The following TNNI1 variants were observed in gnomAD, a reference collection of about 807,000 sequenced individuals.
TNNI1 encodes troponin I1, slow skeletal type, also known as troponin I, slow skeletal muscle.
Under a neutral mutation model 26.7 loss-of-function variants are expected in TNNI1, and 14 were observed. The observed-to-expected ratio is 0.52, with a 90% CI of 0.35 to 0.82. TNNI1 has a LOEUF of 0.82. Among genes scored for constraint, TNNI1 ranks in the 40% least tolerant of loss-of-function variants. The pLI is 0.01. For synonymous variants in TNNI1, 79 were observed against 98.2 expected, an observed-to-expected ratio of 0.80 and a Z score of 1.16; for missense variants, 164 against 257.0, an observed-to-expected ratio of 0.64 and a Z score of 2.47.
rs1253674038 is a variant in TNNI1, at chr1:201,406,033, G to C, written c.*3220C>G. The C allele has an allele frequency of 1.3e-5, 2 of 152,378 alleles. No individual in the cohort carries two copies. Among genetic ancestry groups the C allele is most frequent in the African/African-American group, 2.4e-5 (1 of 41,454 alleles). 9.4% of individuals were successfully genotyped at this position (152,378 alleles called of 1,614,324 possible). A position where few individuals can be genotyped will look rare whatever the true frequency, so the allele number is the denominator to read the frequency against. On this transcript the variant is annotated 3_prime_UTR_variant, in exon 9 of 9. Coordinates refer to ENST00000361379, the MANE Select transcript of TNNI1 (RefSeq NM_003281.4). ...CATCTCCTTTGAATGTTTCCCCTTT[G>C]GTGCGGGTGTGTGGGGACTCCCCAG...
intron 1 of TNNI1, among the ~76,000 whole-genome samples, chr1:201,419,123 TA>T (rs940065943): frequency 2.0e-5 from 3 of 151,700 alleles, no homozygotes; most frequent in Non-Finnish European, 2.9e-5. Context: ...ACCCCGAACT[TA>T]AAAAAAAGTC....
In TNNI1 at chr1:201,411,301, A is replaced by G. The variant is rs890627131; in HGVS notation, c.456+56T>C. ...CAGCCTGAGGCCATGTGAGGGGTTG[A>G]CAAGGGGAAAGCTGGTAGGGCAGAG... On this transcript the variant is annotated intron_variant, in intron 7 of 8. Coordinates refer to ENST00000361379, the MANE Select transcript of TNNI1 (RefSeq NM_003281.4). This position sits in a 1 kb window ranked among gnomAD's most constrained non-coding sequence, Gnocchi z 4.6. The G allele has an allele frequency of 1.5e-5, 24 of 1,596,944 alleles. No homozygotes were observed. In the South Asian group the frequency reaches 2.7e-4, roughly 18 times the overall value.
At chr1:201,416,703 G>A (rs1662746149) in intron 3 of TNNI1, among the ~76,000 whole-genome samples, 1 of 152,198 alleles carries the variant, frequency 6.6e-6, no homozygotes, top group African/African-American at 2.4e-5. Flanking sequence ...GGCAAGGGTG[G>A]AATAACCCAA....
intron 5 of TNNI1, among the ~76,000 whole-genome samples, chr1:201,414,098 T>C (rs1662689380): frequency 6.6e-6 from 1 of 152,248 alleles, no homozygotes; most frequent in Non-Finnish European, 1.5e-5. Context: ...TTGATATACT[T>C]CCTTCCAGTC....
intron 5 of TNNI1, among the ~76,000 whole-genome samples, chr1:201,413,820 A>AT (rs1171830941): frequency 6.6e-6 from 1 of 151,848 alleles, no homozygotes; most frequent in Non-Finnish European, 1.5e-5. Flanking sequence ...CTCCCATCTC[A>AT]TTTTTTTAAA....
At chr1:201,416,966 A>T (rs1033980364) in intron 3 of TNNI1, 150 bp downstream of exon 3, 2 of 892,800 alleles carry the variant, frequency 2.2e-6, no homozygotes, top group Non-Finnish European at 3.7e-6. Context: ...TCTCCTGGGA[A>T]TTTGTTCAGC....
intron 1 of TNNI1, among the ~76,000 whole-genome samples, chr1:201,419,435 G>T (rs776518337): frequency 6.6e-6 from 1 of 152,196 alleles, no homozygotes; most frequent in Non-Finnish European, 1.5e-5. Flanking sequence ...GTGTGCAGGG[G>T]CGCACAGGAG....
rs953872662 is a variant in TNNI1, at chr1:201,414,657, G to A, written c.58-8C>T. 8 of 1,611,618 alleles carry A rather than the reference G, an allele frequency of 5.0e-6. No homozygotes were observed. The highest frequency in any genetic ancestry group is 6.8e-6 in the Non-Finnish European group (8 of 1,178,850). On this transcript the variant is annotated splice_region_variant and splice_polypyrimidine_tract_variant and intron_variant, in intron 4 of 8. Coordinates refer to ENST00000361379, the MANE Select transcript of TNNI1 (RefSeq NM_003281.4). ...CTTGGCCAGCATCAGGCTCTGGACA[G>A]GACACACCTGCTGAGCTGGGGGCCT...
In TNNI1 at chr1:201,413,176, A is replaced by T. The variant is rs1662668171; in HGVS notation, c.190-55T>A. The T allele has an allele frequency of 1.9e-6, 3 of 1,596,610 alleles. No homozygotes were observed. The African/African-American group carries it at 4.0e-5, about 21-fold the overall frequency. On this transcript the variant is annotated intron_variant, in intron 5 of 8. Coordinates refer to ENST00000361379, the MANE Select transcript of TNNI1 (RefSeq NM_003281.4). ...TGAAGAAGAGGGGAACAGAGACATC[A>T]GTTTCCAGCCCTTGACCCTCTCCCC...
At chr1:201,415,905 G>A (rs1314890677) in intron 3 of TNNI1, among the ~76,000 whole-genome samples, 1 of 152,138 alleles carries the variant, frequency 6.6e-6, no homozygotes, top group Non-Finnish European at 1.5e-5. Context: ...CCTCAGGGTT[G>A]GCAAAGGTGA....
chr1:201,415,003 C>T (rs1005479679), intron 4 of TNNI1, among the ~76,000 whole-genome samples: 5 of 152,244 alleles, frequency 3.3e-5, no homozygotes, highest in African/African-American at 7.2e-5. Context: ...GGACCACAGG[C>T]GGATGCCAGA....
At chr1:201,410,302 A>G (rs377432352) in intron 8 of TNNI1, 24 bp downstream of exon 8, 3 of 1,603,760 alleles carry the variant, frequency 1.9e-6, no homozygotes. Context: ...TGGACCCCAG[A>G]GAAGGGAGCT....
intron 6 of TNNI1, among the ~76,000 whole-genome samples, 175 bp downstream of exon 6, chr1:201,412,857 T>C (rs1472597896): frequency 6.6e-6 from 1 of 152,222 alleles, no homozygotes; most frequent in African/African-American, 2.4e-5. Context: ...TGTGTGATTA[T>C]CCACTCTACC....
In TNNI1 at chr1:201,411,933, C is replaced by G. The variant is rs1294627500; in HGVS notation, c.280-400G>C. Among the ~76,000 whole-genome samples, 3 of 152,224 alleles carry G rather than the reference C, an allele frequency of 2.0e-5. 1 individual carries two copies. Among genetic ancestry groups the G allele is most frequent in the Non-Finnish European group, 4.4e-5 (3 of 68,040 alleles). Reference sequence around the variant, plus strand: ...TGCTCATTTGCCCACTGCTCACCTGCTGCAGTGTGGCCCAGTTCCTAACAG... The same window carrying G: ...TGCTCATTTGCCCACTGCTCACCTGGTGCAGTGTGGCCCAGTTCCTAACAG... On this transcript the variant is annotated intron_variant, in intron 6 of 8. Coordinates refer to ENST00000361379, the MANE Select transcript of TNNI1 (RefSeq NM_003281.4). The surrounding 1 kb of genome is among the most constrained non-coding windows in gnomAD (Gnocchi z 4.6).
intron 3 of TNNI1, among the ~76,000 whole-genome samples, chr1:201,415,940 C>A (rs1211049713): frequency 1.3e-5 from 2 of 152,154 alleles, no homozygotes; most frequent in Non-Finnish European, 2.9e-5. Flanking sequence ...TGGTCCCCAA[C>A]TAATGAGACT....
intron 3 of TNNI1, 118 bp downstream of exon 3, chr1:201,416,997 CT>C: frequency 8.2e-7 from 1 of 1,223,794 alleles, no homozygotes; most frequent in East Asian, 2.3e-5. Flanking sequence ...CCTACACCCC[CT>C]GGACTCCCAC....
Position 201,407,405 on chromosome 1 carries a change from C to T in TNNI1, c.*1848G>A, listed in dbSNP as rs1478981102. On this transcript the variant is annotated 3_prime_UTR_variant, in exon 9 of 9. Transcript: ENST00000361379. The stretch of plus-strand genomic sequence containing the variant: ...CCCACTGACCTATTTATAGCAAGAA[C>T]CCTGGGCAGAGTGCTGCTTCCCCTA... 1.3e-5 allele frequency: 2 copies of T among 152,248 alleles called. No individual in the cohort carries two copies. The highest frequency in any genetic ancestry group is 2.9e-5 in the Non-Finnish European group (2 of 68,050). 9.4% of individuals were successfully genotyped at this position (152,248 alleles called of 1,614,324 possible).
At position 201,420,984 on chromosome 1, in the gene TNNI1, C is replaced by A. The variant is rs186149849; in HGVS notation, c.-20+689G>T. 1.9e-3 allele frequency among the ~76,000 whole-genome samples: 296 copies of A among 152,274 alleles called. 1 individual carries two copies. Among genetic ancestry groups the A allele is most frequent in the African/African-American group, 6.5e-3 (271 of 41,554 alleles). ...GGCTCCTGTGCCCCAACCCAAAATG[C>A]CGCCACCATTGCCTTCCTCCAAGAG... is the stretch of plus-strand genomic sequence containing the variant. On this transcript the variant is annotated intron_variant, in intron 1 of 8. Coordinates refer to ENST00000361379, the MANE Select transcript of TNNI1 (RefSeq NM_003281.4).
At chr1:201,419,385 A>G (rs1662816373) in intron 1 of TNNI1, among the ~76,000 whole-genome samples, 1 of 152,176 alleles carries the variant, frequency 6.6e-6, no homozygotes, top group Admixed American at 6.5e-5. Context: ...ACTGTGCAAA[A>G]GCTCAGGGAA....
Sources: allele counts gnomAD v4.1 joint callset (sites outside exome capture counted in the v4.1 genomes callset), GRCh38; gene constraint gnomAD v4.1.1; non-coding constraint Gnocchi (gnomAD v3.1); transcripts MANE v1.5; gene names NCBI Gene and HGNC (gene_info 2026-07-23, HGNC 2026-07-21).